The following AKR1D1 variants were observed in gnomAD, a reference collection of about 807,000 sequenced individuals.
AKR1D1 encodes delta(4)-3-ketosteroid 5-beta-reductase.
AKR1D1 carries 32 observed loss-of-function variants against 42.6 expected under a neutral mutation model. The observed-to-expected ratio is 0.75, with a 90% CI of 0.57 to 1.01. The LOEUF is 1.01. Ranked by LOEUF, AKR1D1 falls within the 50% of genes least tolerant of loss-of-function variation. The pLI is 0.00. For synonymous variants in AKR1D1, 123 were observed against 135.5 expected (o/e 0.91, Z 0.64); for missense variants, 364 against 402.2 (o/e 0.91, Z 0.81).
chr7:138,080,090 T>C (rs1803021583), intron 1 of AKR1D1, among the ~76,000 whole-genome samples: 1 of 152,202 alleles, frequency 6.6e-6, no homozygotes, highest in African/African-American at 2.4e-5. Context: ...TGGGTAGGAA[T>C]AGTACTGCAA....
At chr7:138,093,643 C>A (rs75566307) in intron 3 of AKR1D1, among the ~76,000 whole-genome samples, 35 of 152,186 alleles carry the variant, frequency 2.3e-4, no homozygotes, top group South Asian at 4.2e-4. Flanking sequence ...TCCTGAAAGA[C>A]CTGCCTGGCG....
Position 138,106,678 on chromosome 7 carries a change from C to T in AKR1D1, c.650C>T (p.Thr217Ile), listed in dbSNP as rs940741321. ...TGCCAACAACATGACATTGTCATTA[C>T]TGCATATAGCCCTTTGGGGACCAGT... is the stretch of plus-strand genomic sequence containing the variant. ...KFCQQHDIVI[T>I]AYSPLGTSRN... is the part of the protein sequence containing the mutation. The change falls in exon 6 of 9, where the codon ACT (threonine) becomes ATT (isoleucine). Residue 217 changes from threonine (T) to isoleucine (I), a missense_variant. Transcript: ENST00000242375. 1 of 1,613,974 alleles carries T rather than the reference C, an allele frequency of 6.2e-7. No individual in the cohort carries two copies. Among genetic ancestry groups the T allele is most frequent in the South Asian group, 1.1e-5 (1 of 91,076 alleles).
intron 1 of AKR1D1, among the ~76,000 whole-genome samples, chr7:138,087,436 G>A (rs146276131): frequency 5.3e-5 from 8 of 152,250 alleles, no homozygotes; most frequent in Admixed American, 2.0e-4. Flanking sequence ...TATGTTTAAC[G>A]TGAGTTAATA....
At chr7:138,091,460 G>A (rs981054667) in intron 2 of AKR1D1, 5 of 357,350 alleles carry the variant, frequency 1.4e-5, no homozygotes, top group African/African-American at 1.1e-4. Flanking sequence ...AGTGTCAAGA[G>A]TTTTATCAGC....
chr7:138,096,945 T>A (rs988555574), intron 3 of AKR1D1, among the ~76,000 whole-genome samples: 1 of 152,160 alleles, frequency 6.6e-6, no homozygotes, highest in Non-Finnish European at 1.5e-5. Context: ...GCTCTTGACT[T>A]CTCTGTTCAA....
chr7:138,103,560 C>T (rs1794358324), intron 4 of AKR1D1, among the ~76,000 whole-genome samples: 1 of 151,536 alleles, frequency 6.6e-6, no homozygotes, highest in South Asian at 2.1e-4. Context: ...ATAAACTCAC[C>T]TAGACAGAGA....
intron 1 of AKR1D1, 58 bp from the exon 2 acceptor site, chr7:138,088,543 A>G: frequency 1.9e-6 from 3 of 1,568,494 alleles, no homozygotes; most frequent in Admixed American, 3.3e-5. Flanking sequence ...CTGATTAATG[A>G]TTATTAAAGG....
At position 138,117,010 on chromosome 7, in the gene AKR1D1, G is replaced by A; in HGVS notation, c.*348G>A. ...CTGGGTAGTAGCGTTGGTAATCTGA[G>A]TTCTTTAAGGGTTAACAGGACAACG... On this transcript the variant is annotated 3_prime_UTR_variant, in exon 9 of 9. Transcript: ENST00000242375. 1 of 247,024 alleles carries A rather than the reference G, an allele frequency of 4.0e-6. No individual in the cohort carries two copies. Among genetic ancestry groups the A allele is most frequent in the Non-Finnish European group, 7.9e-6 (1 of 127,356 alleles). 15.3% of individuals were successfully genotyped at this position (247,024 alleles called of 1,614,324 possible). A position where few individuals can be genotyped will look rare whatever the true frequency, so the allele number is the denominator to read the frequency against.
intron 1 of AKR1D1, among the ~76,000 whole-genome samples, chr7:138,083,592 T>C (rs987260066): frequency 6.6e-6 from 1 of 152,228 alleles, no homozygotes; most frequent in South Asian, 2.1e-4. Flanking sequence ...TTTAGCTTGA[T>C]GTAGTACCAA....
At chr7:138,081,210 T>C (rs1423549653) in intron 1 of AKR1D1, among the ~76,000 whole-genome samples, 1 of 152,210 alleles carries the variant, frequency 6.6e-6, no homozygotes, top group Admixed American at 6.5e-5. Context: ...TATGTGGATG[T>C]CACTTTTTCC....
chr7:138,100,772 T>C (rs1794289102), intron 4 of AKR1D1, among the ~76,000 whole-genome samples: 1 of 142,870 alleles, frequency 7.0e-6, no homozygotes. Context: ...TGGCGCGATC[T>C]CAGCTCACTG....
In AKR1D1 at chr7:138,091,838, T is replaced by C. The variant is rs187887082; in HGVS notation, c.332T>C (p.Leu111Pro). 5.0e-6 allele frequency: 8 copies of C among 1,614,142 alleles called. No individual in the cohort carries two copies. The Admixed American group carries it at 1.0e-4, about 20-fold the overall frequency. ...GAGAGGACACTCAGGGTCCTCCAGC[T>C]AGATTATGTGGATCTTTACATCATT... is the stretch of plus-strand genomic sequence containing the variant. Reference protein sequence around the residue: ...TLERTLRVLQLDYVDLYIIEV... With the variant: ...TLERTLRVLQPDYVDLYIIEV... Residue 111 changes from leucine (L) to proline (P), a missense_variant, in exon 3 of 9, where the codon CTA becomes CCA. Leu to Pro is a moderately conservative substitution (Grantham distance 98). Coordinates refer to ENST00000242375, the MANE Select transcript of AKR1D1 (RefSeq NM_005989.4).
intron 1 of AKR1D1, among the ~76,000 whole-genome samples, chr7:138,080,519 A>G (rs1379266837): frequency 2.0e-5 from 3 of 152,226 alleles, no homozygotes; most frequent in African/African-American, 7.2e-5. Context: ...ATGAACAATG[A>G]ATAATTTTTA....
chr7:138,113,774 T>G lies in AKR1D1; in HGVS notation c.938+2T>G. 1 of 1,613,538 alleles carries G rather than the reference T, an allele frequency of 6.2e-7. No homozygotes were observed. The highest frequency in any genetic ancestry group is 1.3e-5 in the African/African-American group (1 of 75,052). On this transcript the variant is annotated splice_donor_variant, in intron 8 of 8. Transcript: ENST00000242375. LOFTEE classifies it high-confidence loss of function. ...TGTCCGCTTTGTAGAATTGCTCATG[T>G]AAGTTCCGGGGATCATTAATGGGTA...
At chr7:138,101,175 CCCT>C (rs1562935793) in intron 4 of AKR1D1, among the ~76,000 whole-genome samples, 3 of 56,180 alleles carry the variant, frequency 5.3e-5, no homozygotes, top group Admixed American at 2.1e-4. Flanking sequence ...CTCCCTCCCT[CCCT>C]CCCTCCCTCC....
intron 4 of AKR1D1, among the ~76,000 whole-genome samples, chr7:138,101,433 C>T (rs949345767): frequency 6.6e-6 from 1 of 151,526 alleles, no homozygotes; most frequent in African/African-American, 2.4e-5. Flanking sequence ...CTCCTGACCT[C>T]GTGATCAACA....
intron 7 of AKR1D1, 122 bp downstream of exon 7, chr7:138,107,702 C>T (rs1451094231): frequency 9.4e-7 from 1 of 1,068,162 alleles, no homozygotes; most frequent in African/African-American, 1.6e-5. Flanking sequence ...ATACCAGCCC[C>T]TTGACCCATG....
At chr7:138,094,643 G>A (rs959185480) in intron 3 of AKR1D1, among the ~76,000 whole-genome samples, 2 of 152,208 alleles carry the variant, frequency 1.3e-5, no homozygotes, top group Non-Finnish European at 2.9e-5. Context: ...AGCCTCCCAA[G>A]TAGCTGAGAC....
intron 2 of AKR1D1, among the ~76,000 whole-genome samples, chr7:138,090,036 G>A (rs10229533): frequency 0.065 from 9,873 of 152,138 alleles, 1,064 homozygotes; most frequent in African/African-American, 0.23. Context: ...CACTCACACC[G>A]AACCTGGCAC....
Sources: gnomAD v4.1 joint callset for allele counts (sites outside exome capture counted in the v4.1 genomes callset) on GRCh38, gnomAD v4.1.1 for gene constraint, MANE v1.5 for transcripts, NCBI Gene and HGNC (gene_info 2026-07-23, HGNC 2026-07-21) for gene names.